The following CTBS variants were observed in gnomAD, a reference collection of about 807,000 sequenced individuals.
CTBS encodes di-N-acetylchitobiase.
In CTBS, 35 loss-of-function variants were observed where a neutral mutation model predicts 44.3. The ratio of observed to expected loss-of-function variants is 0.79; its 90% CI spans 0.60 to 1.05. CTBS has a LOEUF of 1.05. Among genes scored for constraint, CTBS ranks in the 50% least tolerant of loss-of-function variants. The pLI is 0.00. For synonymous variants in CTBS, 143 were observed against 168.0 expected (o/e 0.85, Z 1.15); for missense variants, 458 against 475.3 (o/e 0.96, Z 0.34).
chr1:84,572,425 A>G (rs1647335581), intron 1 of CTBS, among the ~76,000 whole-genome samples: 1 of 150,980 alleles, frequency 6.6e-6, no homozygotes, highest in South Asian at 2.1e-4. Flanking sequence ...CCTGTGATAT[A>G]ACAGATATCC....
intron 6 of CTBS, among the ~76,000 whole-genome samples, chr1:84,561,232 T>C (rs1036934524): frequency 6.6e-6 from 1 of 152,102 alleles, no homozygotes; most frequent in African/African-American, 2.4e-5. Flanking sequence ...AAGAAGTGGG[T>C]TACAACCCTC....
chr1:84,562,365 C>G (rs1168281585), intron 6 of CTBS, among the ~76,000 whole-genome samples: 1 of 151,502 alleles, frequency 6.6e-6, no homozygotes, highest in Non-Finnish European at 1.5e-5. Context: ...ACTTTCAGTT[C>G]CAAAGTTTAG....
chr1:84,549,860 T>C lies in CTBS; in HGVS notation c.*5139A>G, dbSNP rs931385250. On this transcript the variant is annotated 3_prime_UTR_variant, in exon 7 of 7. Coordinates refer to ENST00000370630, the MANE Select transcript of CTBS (RefSeq NM_004388.3). ...ATAGGCTCAAGTAATGGTTTGTCCA[T>C]AGTAGTTGGTACTTTTTTTTTTAGC... 7 of 136,094 alleles carry C rather than the reference T, an allele frequency of 5.1e-5. No individual in the cohort carries two copies. The highest frequency in any genetic ancestry group is 2.2e-4 in the African/African-American group (7 of 31,120). The allele number at this position is 136,094 out of a possible 1,614,324, so 8.4% of individuals were successfully genotyped here. A position where few individuals can be genotyped will look rare whatever the true frequency, so the allele number is the denominator to read the frequency against.
At chr1:84,574,009 C>G in intron 1 of CTBS, 1 of 1,389,192 alleles carries the variant, frequency 7.2e-7, no homozygotes, top group African/African-American at 1.5e-5. Context: ...TTTGAACTCT[C>G]GCCTGCCTAC....
At chr1:84,567,444 G>A (rs1020498224) in intron 3 of CTBS, among the ~76,000 whole-genome samples, 2 of 152,140 alleles carry the variant, frequency 1.3e-5, no homozygotes, top group Admixed American at 6.6e-5. Flanking sequence ...TTTTGAGATG[G>A]TACTATTATT....
rs1212589545 is a variant in CTBS at position 84,555,111 on chromosome 1, C to T, written c.1046G>A (p.Arg349Gln). 14 of 1,613,710 alleles carry T rather than the reference C, an allele frequency of 8.7e-6. No homozygotes were observed. Among genetic ancestry groups the T allele is most frequent in the African/African-American group, 4.0e-5 (3 of 74,842 alleles). ...GTTTGCATTCCACATGCCAATGCCC[C>T]GTAAGCGATAGTTTTGTATATATGT... The part of the protein sequence containing the change: ...KATYIQNYRL[R>Q]GIGMWNANCL... The change falls in exon 7 of 7, where the codon CGG (arginine) becomes CAG (glutamine). Residue 349 changes from arginine to glutamine, a missense_variant. Transcript: ENST00000370630.
chr1:84,571,151 A>G (rs1052549711), intron 1 of CTBS, among the ~76,000 whole-genome samples: 18 of 152,110 alleles, frequency 1.2e-4, no homozygotes, highest in African/African-American at 4.1e-4. Flanking sequence ...TTAAAAGGGG[A>G]AGGTATGCAT....
At chr1:84,557,730 C>G (rs1570466704) in intron 6 of CTBS, among the ~76,000 whole-genome samples, 1 of 148,650 alleles carries the variant, frequency 6.7e-6, no homozygotes, top group African/African-American at 2.5e-5. Context: ...TGGTGGCGGG[C>G]ACCTGTAGTC....
chr1:84,571,885 T>A (rs1647314688), intron 1 of CTBS, among the ~76,000 whole-genome samples: 1 of 152,150 alleles, frequency 6.6e-6, no homozygotes, highest in African/African-American at 2.4e-5. Flanking sequence ...AAGATTGCAT[T>A]CTCAACTGAG....
At chr1:84,574,127 T>C in intron 1 of CTBS, 112 bp downstream of exon 1, 3 of 1,510,334 alleles carry the variant, frequency 2.0e-6, no homozygotes, top group Non-Finnish European at 2.7e-6. Flanking sequence ...CCTCATCGAG[T>C]GGTCAAAGCT....
At chr1:84,566,092 T>G in intron 3 of CTBS, 80 bp from the exon 4 acceptor site, 7 of 823,430 alleles carry the variant, frequency 8.5e-6, no homozygotes, top group Non-Finnish European at 1.2e-5. Context: ...TATATATATT[T>G]TTTACCTTAT....
chr1:84,553,096 A>T lies in CTBS; in HGVS notation c.*1903T>A. On this transcript the variant is annotated 3_prime_UTR_variant, in exon 7 of 7. Coordinates refer to ENST00000370630, the MANE Select transcript of CTBS (RefSeq NM_004388.3). The stretch of plus-strand genomic sequence containing the variant: ...AAAACTGAACTGGCACAGAAAAAAA[A>T]AATAATACATCTCTACAATCTCAAT... The T allele has an allele frequency of 6.6e-7, 1 of 1,524,526 alleles. No individual in the cohort carries two copies. Among genetic ancestry groups the T allele is most frequent in the South Asian group, 1.3e-5 (1 of 78,582 alleles). 94.4% of individuals were successfully genotyped at this position (1,524,526 alleles called of 1,614,324 possible). A position where few individuals can be genotyped will look rare whatever the true frequency, so the allele number is the denominator to read the frequency against.
At chr1:84,562,724 G>A (rs1684617694) in intron 6 of CTBS, among the ~76,000 whole-genome samples, 1 of 151,912 alleles carries the variant, frequency 6.6e-6, no homozygotes, top group African/African-American at 2.4e-5. Context: ...TATTTCTTCA[G>A]GTTTCCTTTA....
chr1:84,560,083 C>CAAAA (rs751117358), intron 6 of CTBS, among the ~76,000 whole-genome samples: 2 of 61,336 alleles, frequency 3.3e-5, no homozygotes, highest in Non-Finnish European at 6.4e-5. Context: ...GACTCTGTCT[C>CAAAA]AAAAAAAAAA....
At chr1:84,570,200 A>T in intron 2 of CTBS, 61 bp from the exon 3 acceptor site, 2 of 1,428,644 alleles carry the variant, frequency 1.4e-6, no homozygotes, top group Non-Finnish European at 1.9e-6. Context: ...ATTTTGGAAG[A>T]CTAAGCCCTT....
At chr1:84,564,785 C>T (rs1031262996) in intron 4 of CTBS, among the ~76,000 whole-genome samples, 7 of 152,070 alleles carry the variant, frequency 4.6e-5, no homozygotes, top group Non-Finnish European at 7.4e-5. Flanking sequence ...ATGGCTCATG[C>T]CTGTAATTGA....
Position 84,568,620 on chromosome 1 carries a change from T to C in CTBS, c.525+1311A>G, listed in dbSNP as rs1037775551. Among the ~76,000 whole-genome samples, 8 of 152,304 alleles carry C rather than the reference T, an allele frequency of 5.3e-5. No individual in the cohort carries two copies. The East Asian group carries it at 1.5e-3, about 29-fold the overall frequency. ...CCCAGACCTACTGAGTCAATCTCAG[T>C]GATATGGTTTGGATCTGTGTCCCCG... On this transcript the variant is annotated intron_variant, in intron 3 of 6. Coordinates refer to ENST00000370630, the MANE Select transcript of CTBS (RefSeq NM_004388.3).
In CTBS at chr1:84,574,303, C is replaced by G; in HGVS notation, c.113G>C (p.Gly38Ala). 6.4e-7 allele frequency: 1 copy of G among 1,562,220 alleles called. No individual in the cohort carries two copies. Among genetic ancestry groups the G allele is most frequent in the Non-Finnish European group, 8.6e-7 (1 of 1,159,368 alleles). Residue 38 changes from glycine (G) to alanine (A), a missense_variant, in exon 1 of 7, where the codon GGG becomes GCG. By Grantham distance (60) the Gly-to-Ala change is moderately conservative. Transcript: ENST00000370630. Reference protein sequence around the residue: ...LALLALRLAAGTDCPCPEPEL... With the variant: ...LALLALRLAAATDCPCPEPEL... ...AGGCTCCGGGCATGGGCAGTCGGTC[C>G]CGGCCGCGAGCCGCAGCGCCAGCAG...
At chr1:84,566,728 G>A (rs927093092) in intron 3 of CTBS, among the ~76,000 whole-genome samples, 3 of 152,200 alleles carry the variant, frequency 2.0e-5, no homozygotes, top group African/African-American at 7.2e-5. Context: ...TGCCTCCTGG[G>A]TTCAAGTGAT....
Sources: gnomAD v4.1 joint callset for allele counts (sites outside exome capture counted in the v4.1 genomes callset) on GRCh38, gnomAD v4.1.1 for gene constraint, MANE v1.5 for transcripts, NCBI Gene and HGNC (gene_info 2026-07-23, HGNC 2026-07-21) for gene names.